The following ARAP2 variants were observed in gnomAD, a reference collection of about 807,000 sequenced individuals.
The protein encoded by ARAP2 is ArfGAP with RhoGAP domain, ankyrin repeat and PH domain 2, also known as arf-GAP with Rho-GAP domain, ANK repeat and PH domain-containing protein 2.
Under a neutral mutation model 194.5 loss-of-function variants are expected in ARAP2, and 148 were observed. The ratio of observed to expected loss-of-function variants is 0.76; its 90% CI spans 0.67 to 0.87. ARAP2 has a LOEUF of 0.87. ARAP2 is among the 40% of genes least tolerant of loss of function. The pLI is 0.00. For missense variants in ARAP2, 2,128 were observed against 1,989.7 expected, an observed-to-expected ratio of 1.07 and a Z score of -1.32; for synonymous variants, 695 against 683.5, an observed-to-expected ratio of 1.02 and a Z score of -0.26.
chr4:36,055,118 A>G (rs998598499), intron 2 of ARAP2, among the ~76,000 whole-genome samples: 3 of 152,206 alleles, frequency 2.0e-5, no homozygotes, highest in Non-Finnish European at 4.4e-5. Context: ...TTTTGATTAT[A>G]TTGGATCTAT....
At chr4:36,241,938 C>A (rs1560755051) in intron 1 of ARAP2, among the ~76,000 whole-genome samples, 1 of 152,236 alleles carries the variant, frequency 6.6e-6, no homozygotes, top group East Asian at 1.9e-4. Flanking sequence ...AATAAGTAAG[C>A]TTGTGCTGAA....
At chr4:36,105,857 A>G (rs1003485220) in intron 27 of ARAP2, among the ~76,000 whole-genome samples, 3 of 152,018 alleles carry the variant, frequency 2.0e-5, no homozygotes, top group Admixed American at 1.3e-4. Context: ...ACCTACTAGC[A>G]TTCACACAAC....
rs1747787963 is a variant in ARAP2 at position 36,215,721 on chromosome 4, C to T, written c.906-1241G>A. ...AAATGGGTTAACCTGCCATGGTGTT[C>T]ACCTCTGGTCCCAGCAACTCAGGGG... On this transcript the variant is annotated intron_variant, in intron 2 of 32. Coordinates refer to ENST00000303965, the MANE Select transcript of ARAP2 (RefSeq NM_015230.4). 2.6e-5 allele frequency among the ~76,000 whole-genome samples: 4 copies of T among 152,122 alleles called. No individual in the cohort carries two copies. In the South Asian group the frequency reaches 8.3e-4, roughly 31 times the overall value.
At chr4:36,084,153 C>T (rs916175054) in intron 28 of ARAP2, among the ~76,000 whole-genome samples, 3 of 152,078 alleles carry the variant, frequency 2.0e-5, no homozygotes, top group Admixed American at 2.0e-4. Flanking sequence ...GGCTTCCTTG[C>T]TCCTCAGCTT....
At chr4:36,153,798 C>T (rs1226670664) in intron 15 of ARAP2, among the ~76,000 whole-genome samples, 1 of 152,166 alleles carries the variant, frequency 6.6e-6, no homozygotes, top group African/African-American at 2.4e-5. Flanking sequence ...AACATAAGCC[C>T]TTCACTACTC....
At chr4:36,006,707 G>C (rs920285221) in intron 10 of ARAP2, 1 of 151,960 alleles carries the variant, frequency 6.6e-6, no homozygotes, top group Non-Finnish European at 1.5e-5. Context: ...ATGAGAGTAG[G>C]CTATCTTTAA....
chr4:36,243,143 T>A lies in ARAP2; in HGVS notation c.-160+1036A>T, dbSNP rs190386770. On this transcript the variant is annotated intron_variant, in intron 1 of 32. Coordinates refer to ENST00000303965, the MANE Select transcript of ARAP2 (RefSeq NM_015230.4). ...TTTCTCTTTTTTTCCTTAAAAAAAGTTAGCTTGCTTTTTATCTTCCAATTA... is the reference window on the plus strand; with the variant it reads ...TTTCTCTTTTTTTCCTTAAAAAAAGATAGCTTGCTTTTTATCTTCCAATTA... 1.6e-4 allele frequency among the ~76,000 whole-genome samples: 25 copies of A among 152,104 alleles called. No homozygotes were observed. The East Asian group carries it at 4.4e-3, about 27-fold the overall frequency.
intron 27 of ARAP2, among the ~76,000 whole-genome samples, chr4:36,099,823 T>C (rs761493263): frequency 3.3e-5 from 5 of 152,042 alleles, no homozygotes; most frequent in Non-Finnish European, 7.4e-5. Context: ...GTGGATGTGG[T>C]ATATAAATTG....
At chr4:36,124,155 A>T (rs1203478791) in intron 22 of ARAP2, among the ~76,000 whole-genome samples, 1 of 151,852 alleles carries the variant, frequency 6.6e-6, no homozygotes, top group Non-Finnish European at 1.5e-5. Flanking sequence ...ATTGTGAAAC[A>T]TTTCTAAATT....
intron 3 of ARAP2, 88 bp downstream of exon 3, chr4:36,214,334 G>T: frequency 9.7e-7 from 1 of 1,032,756 alleles, no homozygotes; most frequent in Non-Finnish European, 1.4e-6. Flanking sequence ...TATACCACAG[G>T]TGGGCTGCCT....
chr4:36,179,156 A>G (rs1007294265), intron 8 of ARAP2, among the ~76,000 whole-genome samples: 4 of 152,230 alleles, frequency 2.6e-5, no homozygotes, highest in Non-Finnish European at 5.9e-5. Context: ...ATAAAAAGAC[A>G]TTATAATAAT....
At chr4:36,155,134 T>G (rs764274576) in intron 15 of ARAP2, among the ~76,000 whole-genome samples, 1 of 152,242 alleles carries the variant, frequency 6.6e-6, no homozygotes, top group East Asian at 1.9e-4. Context: ...AAAATGATTC[T>G]TCATTCATTC....
At chr4:36,188,412 C>T (rs140245035) in intron 7 of ARAP2, among the ~76,000 whole-genome samples, 30 of 152,196 alleles carry the variant, frequency 2.0e-4, no homozygotes, top group African/African-American at 6.5e-4. Flanking sequence ...AGTACAAAGA[C>T]GGAAAATCTC....
At position 36,229,046 on chromosome 4, in the gene ARAP2, A is replaced by C. The variant is rs1750924442; in HGVS notation, c.441T>G (p.Ser147=). ...CAGTGGGGAAGTCGCGTTTAGGAGG[A>C]GACAGCTTATCATCTGATTGAGGAT... ...SQYPQSDDKL[S]PPKRDFPTAE... is the part of the protein sequence containing the mutation. The change falls in exon 2 of 33, where the codon TCT becomes TCG. Residue 147 remains serine, a synonymous_variant. Transcript: ENST00000303965. 6.2e-7 allele frequency: 1 copy of C among 1,613,992 alleles called. No individual in the cohort carries two copies.
chr4:36,137,945 C>T lies in ARAP2; in HGVS notation c.3264-4556G>A, dbSNP rs533695988. On this transcript the variant is annotated intron_variant, in intron 19 of 32. Transcript: ENST00000303965. ...ATTACAGTCACACTATTAGAATGGA[C>T]GTGAAAGATGATCTACTAAAGCCAC... Among the ~76,000 whole-genome samples the T allele has an allele frequency of 7.9e-5, 12 of 151,754 alleles. No homozygotes were observed. The South Asian group carries it at 1.7e-3, about 21-fold the overall frequency.
At chr4:36,186,806 T>C (rs1232915347) in intron 8 of ARAP2, among the ~76,000 whole-genome samples, 1 of 152,274 alleles carries the variant, frequency 6.6e-6, no homozygotes, top group Admixed American at 6.5e-5. Flanking sequence ...ACAATGTCAC[T>C]GTCTCCCATC....
chr4:36,221,790 T>C (rs1265158751), intron 2 of ARAP2, among the ~76,000 whole-genome samples: 3 of 152,158 alleles, frequency 2.0e-5, no homozygotes, highest in African/African-American at 7.2e-5. Context: ...ATTTATCTAT[T>C]AATAAATTAT....
At chr4:36,157,976 A>G (rs188445103) in intron 15 of ARAP2, among the ~76,000 whole-genome samples, 1 of 152,268 alleles carries the variant, frequency 6.6e-6, no homozygotes, top group East Asian at 1.9e-4. Flanking sequence ...AATGGCCACC[A>G]TCAATTGGCA....
intron 9 of ARAP2, among the ~76,000 whole-genome samples, chr4:36,170,338 A>C (rs1241512273): frequency 4.6e-5 from 7 of 152,220 alleles, no homozygotes; most frequent in Non-Finnish European, 1.0e-4. Flanking sequence ...CCTTAATCCC[A>C]ACACTTTGGG....
Sources: allele counts gnomAD v4.1 joint callset (sites outside exome capture counted in the v4.1 genomes callset), GRCh38; gene constraint gnomAD v4.1.1; transcripts MANE v1.5; gene names NCBI Gene and HGNC (gene_info 2026-07-23, HGNC 2026-07-21).